The following EXOC5 variants were observed in gnomAD, a reference collection of about 807,000 sequenced individuals.
EXOC5 encodes the protein exocyst complex component 5.
A neutral mutation model predicts 90.8 loss-of-function variants in EXOC5; 17 were observed. The ratio of observed to expected loss-of-function variants is 0.19; its 90% CI spans 0.13 to 0.28. EXOC5 has a LOEUF of 0.28. EXOC5 is among the 10% of genes least tolerant of loss of function. The pLI is 1.00. For missense variants in EXOC5, 569 were observed against 830.6 expected (o/e 0.69, Z 3.87); for synonymous variants, 260 against 270.0 (o/e 0.96, Z 0.36).
intron 3 of EXOC5, among the ~76,000 whole-genome samples, chr14:57,245,413 A>C (rs574099862): frequency 3.9e-4 from 59 of 152,256 alleles, no homozygotes; most frequent in African/African-American, 1.2e-3. Flanking sequence ...TTAAAAAAAA[A>C]CCTGAGCCAT....
intron 4 of EXOC5, among the ~76,000 whole-genome samples, chr14:57,241,368 T>C (rs998064894): frequency 2.6e-5 from 4 of 152,360 alleles, no homozygotes; most frequent in Non-Finnish European, 5.9e-5. Flanking sequence ...CACTGCAGTA[T>C]CTGTCCTCAC....
intron 1 of EXOC5, among the ~76,000 whole-genome samples, chr14:57,264,862 T>C (rs1884623337): frequency 6.6e-6 from 1 of 152,230 alleles, no homozygotes; most frequent in African/African-American, 2.4e-5. Context: ...TTTAAGAGTA[T>C]AGTATCATAT....
At chr14:57,248,753 CT>C (rs1359181748) in intron 1 of EXOC5, among the ~76,000 whole-genome samples, 1 of 152,004 alleles carries the variant, frequency 6.6e-6, no homozygotes, top group African/African-American at 2.4e-5. Context: ...AAAGTTTTTT[CT>C]TAAACCTTTA....
At chr14:57,210,717 A>G (rs978760314) in intron 15 of EXOC5, among the ~76,000 whole-genome samples, 1 of 152,202 alleles carries the variant, frequency 6.6e-6, no homozygotes, top group Non-Finnish European at 1.5e-5. Flanking sequence ...CCAATAAGCA[A>G]TCATTTTCTT....
intron 11 of EXOC5, 88 bp from the exon 12 acceptor site, chr14:57,229,969 A>G (rs1883431773): frequency 2.8e-6 from 2 of 704,864 alleles, no homozygotes; most frequent in Non-Finnish European, 4.1e-6. Context: ...ATATATCAAC[A>G]ACAAAAATGG....
At chr14:57,240,995 G>C (rs1883841940) in intron 4 of EXOC5, among the ~76,000 whole-genome samples, 1 of 152,076 alleles carries the variant, frequency 6.6e-6, no homozygotes, top group African/African-American at 2.4e-5. Flanking sequence ...TGGGATTATA[G>C]GCATGCACCA....
intron 1 of EXOC5, among the ~76,000 whole-genome samples, chr14:57,258,881 T>C (rs1884421581): frequency 6.6e-6 from 1 of 152,118 alleles, no homozygotes; most frequent in Non-Finnish European, 1.5e-5. Flanking sequence ...AGCTAGGATA[T>C]TTCCCCCAGC....
rs994786965 is a variant in EXOC5 at position 57,206,005 on chromosome 14, T to A, written c.*2604A>T. 4.4e-6 allele frequency: 2 copies of A among 455,214 alleles called. No homozygotes were observed. The highest frequency in any genetic ancestry group is 4.0e-5 in the African/African-American group (2 of 49,988). 28.2% of individuals were successfully genotyped at this position (455,214 alleles called of 1,614,324 possible). ...TTGACTGTCATTTTCAACATCATAA[T>A]TTACATAAGGTAGGCTTCCTTTATT... On this transcript the variant is annotated 3_prime_UTR_variant, in exon 18 of 18. Coordinates refer to ENST00000621441, the MANE Select transcript of EXOC5 (RefSeq NM_006544.4).
intron 6 of EXOC5, among the ~76,000 whole-genome samples, chr14:57,236,281 C>G (rs1268106628): frequency 6.8e-6 from 1 of 147,892 alleles, no homozygotes; most frequent in Non-Finnish European, 1.5e-5. Flanking sequence ...ATATTTTTTT[C>G]ATTTTCTTTT....
At chr14:57,214,345 A>C (rs1437779563) in intron 15 of EXOC5, among the ~76,000 whole-genome samples, 2 of 152,216 alleles carry the variant, frequency 1.3e-5, no homozygotes, top group East Asian at 3.9e-4. Context: ...GCCCTGTCAC[A>C]TGAGGTCAGG....
chr14:57,246,915 T>A, intron 2 of EXOC5, 57 bp from the exon 3 acceptor site: 2 of 1,011,460 alleles, frequency 2.0e-6, no homozygotes, highest in Non-Finnish European at 2.9e-6. Context: ...CCTTAGGAAC[T>A]GACCAGTTAA....
chr14:57,238,375 T>TATATAC (rs1239623225), intron 5 of EXOC5, among the ~76,000 whole-genome samples: 4,232 of 74,582 alleles, frequency 0.057, 181 homozygotes, highest in South Asian at 0.09. Flanking sequence ...TATATATATA[T>TATATAC]ACACACACAC....
At chr14:57,249,407 G>A (rs771458487) in intron 1 of EXOC5, among the ~76,000 whole-genome samples, 4 of 147,220 alleles carry the variant, frequency 2.7e-5, no homozygotes, top group Admixed American at 6.6e-5. Context: ...AATTAAACAC[G>A]TTATACTGTT....
Position 57,204,767 on chromosome 14 carries a change from A to C in EXOC5, c.*3842T>G, listed in dbSNP as rs1882598818. ...TCATGACCACTTATAATATTTAAAAAATCAAATTTAAAAAGTATGACCATA... is the reference window on the plus strand; with the variant it reads ...TCATGACCACTTATAATATTTAAAACATCAAATTTAAAAAGTATGACCATA... On this transcript the variant is annotated 3_prime_UTR_variant, in exon 18 of 18. Transcript: ENST00000621441. The C allele has an allele frequency of 1.3e-5, 2 of 152,468 alleles. No homozygotes were observed. The highest frequency in any genetic ancestry group is 4.1e-4 in the South Asian group (2 of 4,832). The allele number at this position is 152,468 out of a possible 1,614,324, so 9.4% of individuals were successfully genotyped here.
Position 57,268,602 on chromosome 14 carries a change from G to A in EXOC5, c.27+20C>T, listed in dbSNP as rs1884770764. 1.3e-6 allele frequency: 2 copies of A among 1,586,996 alleles called. No individual in the cohort carries two copies. The highest frequency in any genetic ancestry group is 1.3e-5 in the African/African-American group (1 of 74,330). On this transcript the variant is annotated intron_variant, in intron 1 of 17. Coordinates refer to ENST00000621441, the MANE Select transcript of EXOC5 (RefSeq NM_006544.4). ...GCAAACCCCGGGCCTGCCACTCCCT[G>A]TAGAGCCGCCGGGGCCCACCTCGAA...
At chr14:57,260,578 A>G (rs191351410) in intron 1 of EXOC5, among the ~76,000 whole-genome samples, 1 of 152,274 alleles carries the variant, frequency 6.6e-6, no homozygotes, top group East Asian at 1.9e-4. Context: ...CGAACAGTAA[A>G]GTTATATATA....
rs1882587990 is a variant in EXOC5 at position 57,204,405 on chromosome 14, T to C, written c.*4204A>G. On this transcript the variant is annotated 3_prime_UTR_variant, in exon 18 of 18. Coordinates refer to ENST00000621441, the MANE Select transcript of EXOC5 (RefSeq NM_006544.4). ...TTTTAAAACCCTTAACATGCAATTC[T>C]GATTACATGAAAATGACTATCTACT... is the stretch of plus-strand genomic sequence containing the variant. The C allele has an allele frequency of 6.6e-6, 1 of 152,150 alleles. No homozygotes were observed. Among genetic ancestry groups the C allele is most frequent in the African/African-American group, 2.4e-5 (1 of 41,468 alleles). 9.4% of individuals were successfully genotyped at this position (152,150 alleles called of 1,614,324 possible). A position where few individuals can be genotyped will look rare whatever the true frequency, so the allele number is the denominator to read the frequency against.
chr14:57,209,573 G>T lies in EXOC5; in HGVS notation c.1932C>A (p.Asp644Glu). The change falls in exon 17 of 18, where the codon GAC (aspartate) becomes GAA (glutamate). Residue 644 changes from aspartate to glutamate, a missense_variant. Around this residue, in one of 9 missense-constraint regions of EXOC5, gnomAD observed 122 missense variants for 180.0 expected, o/e 0.68. Transcript: ENST00000621441. ...TGTTTTTGTGTACACATACCTTGAA[G>T]TCTTTGGCACACTTCCTATATTCGG... Reference protein sequence around the residue: ...DVAEYRKCAKDFKIPMVLHLF... With the variant: ...DVAEYRKCAKEFKIPMVLHLF... 6.2e-7 allele frequency: 1 copy of T among 1,605,210 alleles called. No individual in the cohort carries two copies. Among genetic ancestry groups the T allele is most frequent in the South Asian group, 1.1e-5 (1 of 90,704 alleles).
intron 11 of EXOC5, among the ~76,000 whole-genome samples, chr14:57,230,441 A>G (rs1450782449): frequency 6.7e-6 from 1 of 149,390 alleles, no homozygotes; most frequent in Non-Finnish European, 1.5e-5. Context: ...ACACACACAC[A>G]CACAAACACA....
Sources: allele counts gnomAD v4.1 joint callset (sites outside exome capture counted in the v4.1 genomes callset), GRCh38; gene constraint gnomAD v4.1.1; regional missense constraint gnomAD v4.1.1; transcripts MANE v1.5; gene names NCBI Gene and HGNC (gene_info 2026-07-23, HGNC 2026-07-21).